The following CYLC2 variants were observed in gnomAD, a reference collection of about 807,000 sequenced individuals.
The protein encoded by CYLC2 is cylicin 2.
CYLC2 carries 30 observed loss-of-function variants against 26.1 expected under a neutral mutation model. The ratio of observed to expected loss-of-function variants is 1.15; its 90% CI spans 0.86 to 1.56. The LOEUF (loss-of-function observed/expected upper bound fraction) is 1.56, where lower values mean the gene tolerates loss of function less well. Ranked by LOEUF, CYLC2 falls within the 40% of genes most tolerant of loss-of-function variation. The pLI is 0.00. For missense variants in CYLC2, 498 were observed against 394.4 expected, an observed-to-expected ratio of 1.26 and a Z score of -2.23; for synonymous variants, 158 against 132.8, an observed-to-expected ratio of 1.19 and a Z score of -1.31.
rs1208528975 is a variant in CYLC2, at chr9:103,016,950, G to A, written c.*879G>A. 6.6e-6 allele frequency: 1 copy of A among 151,822 alleles called. No homozygotes were observed. The highest frequency in any genetic ancestry group is 1.5e-5 in the Non-Finnish European group (1 of 67,920). 9.4% of individuals were successfully genotyped at this position (151,822 alleles called of 1,614,324 possible). A position where few individuals can be genotyped will look rare whatever the true frequency, so the allele number is the denominator to read the frequency against. ...TATCACAAGTGGAAAGGTTACCCTA[G>A]AAACAAAAGATGTAAGTAAACTGAA... is the stretch of plus-strand genomic sequence containing the variant. On this transcript the variant is annotated 3_prime_UTR_variant, in exon 7 of 8. Transcript: ENST00000374798.
chr9:103,013,494 C>A (rs1829441707), intron 6 of CYLC2, among the ~76,000 whole-genome samples: 1 of 104,848 alleles, frequency 9.5e-6, no homozygotes, highest in Admixed American at 1.3e-4. Context: ...TAACATATTA[C>A]ATATATTATA....
chr9:103,005,373 A>C lies in CYLC2; in HGVS notation c.742A>C (p.Lys248Gln), dbSNP rs1286229772. 1.2e-6 allele frequency: 2 copies of C among 1,613,888 alleles called. No individual in the cohort carries two copies. Among genetic ancestry groups the C allele is most frequent in the Middle Eastern group, 1.6e-4 (1 of 6,084 alleles). Residue 248 changes from lysine (K) to glutamine (Q), a missense_variant, in exon 5 of 8, where the codon AAA becomes CAA. Lys to Gln is a moderately conservative substitution (Grantham distance 53). Coordinates refer to ENST00000374798, the MANE Select transcript of CYLC2 (RefSeq NM_001340.5). ...AGATGAAAAGAAGGATGAGGATGGA[A>C]AAAAAGATGCAAACAAAGGTGATGA... ...KADEKKDEDG[K>Q]KDANKGDESK...
chr9:103,003,126 G>A lies in CYLC2; in HGVS notation c.59-16G>A, dbSNP rs773048714. 5.6e-6 allele frequency: 9 copies of A among 1,609,952 alleles called. No individual in the cohort carries two copies. The highest frequency in any genetic ancestry group is 6.8e-6 in the Non-Finnish European group (8 of 1,178,572). On this transcript the variant is annotated splice_polypyrimidine_tract_variant and intron_variant, in intron 2 of 7. Transcript: ENST00000374798. ...CTATTCACTCCAAAATGTGTTTTTT[G>A]TCTCCCTTATTTTAGTCAGTGAATT...
intron 6 of CYLC2, among the ~76,000 whole-genome samples, chr9:103,014,992 A>G (rs1396719922): frequency 3.1e-5 from 4 of 127,186 alleles, no homozygotes; most frequent in African/African-American, 2.8e-5. Flanking sequence ...TAATACATGT[A>G]ATATACATAT....
chr9:103,006,613 A>G (rs1829354558), intron 5 of CYLC2, among the ~76,000 whole-genome samples: 1 of 151,840 alleles, frequency 6.6e-6, no homozygotes. Context: ...ACGGGGTTTC[A>G]CCGTGTTAGC....
At chr9:103,001,032 C>T (rs1207324013) in intron 1 of CYLC2, among the ~76,000 whole-genome samples, 1 of 151,654 alleles carries the variant, frequency 6.6e-6, no homozygotes, top group Non-Finnish European at 1.5e-5. Flanking sequence ...TTTTTGTGGT[C>T]CACACTGACA....
At chr9:103,004,551 A>G (rs1055563763) in intron 3 of CYLC2, 144 bp from the exon 4 acceptor site, 7 of 599,040 alleles carry the variant, frequency 1.2e-5, no homozygotes, top group African/African-American at 3.9e-5. Flanking sequence ...AAAGCAAAAT[A>G]AAGGATGAAA....
In CYLC2 at chr9:103,003,170, T is replaced by G; in HGVS notation, c.87T>G (p.Asn29Lys). ...GTGAATTAAGCAAAAAATCATGGAA[T>G]CAGCAACACTTTGCCCTGTTATTTC... ...PVSELSKKSW[N>K]QQHFALLFPK... is the part of the protein sequence containing the mutation. Residue 29 changes from asparagine to lysine, a missense_variant, in exon 3 of 8, where the codon AAT (asparagine) becomes AAG (lysine). By Grantham distance (94) the Asn-to-Lys change is moderately conservative. Coordinates refer to ENST00000374798, the MANE Select transcript of CYLC2 (RefSeq NM_001340.5). 6.2e-7 allele frequency: 1 copy of G among 1,613,710 alleles called. No homozygotes were observed. The highest frequency in any genetic ancestry group is 8.5e-7 in the Non-Finnish European group (1 of 1,179,742).
At chr9:103,007,154 G>C (rs874794) in intron 5 of CYLC2, among the ~76,000 whole-genome samples, 65 of 152,156 alleles carry the variant, frequency 4.3e-4, no homozygotes, top group Non-Finnish European at 8.1e-4. Context: ...ATTTTATGAA[G>C]TTTGGACTTT....
chr9:103,006,410 T>G (rs928923176), intron 5 of CYLC2, 32 bp downstream of exon 5: 1 of 85,952 alleles, frequency 1.2e-5, no homozygotes, highest in African/African-American at 3.9e-5. Flanking sequence ...TACTTATTTA[T>G]TTATTTATTT....
intron 5 of CYLC2, among the ~76,000 whole-genome samples, chr9:103,006,915 T>G (rs528486221): frequency 6.6e-6 from 1 of 152,256 alleles, no homozygotes; most frequent in Non-Finnish European, 1.5e-5. Context: ...GAATGAACAT[T>G]GTGCTCTCAT....
chr9:103,005,677 A>T lies in CYLC2; in HGVS notation c.1046A>T (p.Ter349LeuextTer20). ...AAGGATGCAAAGAAGAAGGGCAAGT[A>T]GGCCTTGGATAAGAATTTGAACCGA... ...EKKDAKKKGK[*>L] The change falls in exon 5 of 8, where the codon TAG (stop) becomes TTG (leucine). Residue 349 changes from the stop codon to leucine (L), a stop_lost. Transcript: ENST00000374798. 1 of 1,603,782 alleles carries T rather than the reference A, an allele frequency of 6.2e-7. No homozygotes were observed. Among genetic ancestry groups the T allele is most frequent in the Middle Eastern group, 1.7e-4 (1 of 5,994 alleles).
chr9:103,013,363 T>C (rs1337705979), intron 6 of CYLC2, among the ~76,000 whole-genome samples: 11 of 106,596 alleles, frequency 1.0e-4, no homozygotes, highest in African/African-American at 3.9e-4. Flanking sequence ...ATTATATAAA[T>C]ATATATTTAA....
intron 2 of CYLC2, among the ~76,000 whole-genome samples, chr9:103,002,549 T>A (rs1186872770): frequency 1.3e-5 from 2 of 151,716 alleles, no homozygotes; most frequent in Non-Finnish European, 2.9e-5. Flanking sequence ...AGACGGGGTT[T>A]CACCGTGTTA....
chr9:103,011,423 C>T (rs1433904442), intron 5 of CYLC2, among the ~76,000 whole-genome samples: 1 of 152,004 alleles, frequency 6.6e-6, no homozygotes, highest in Non-Finnish European at 1.5e-5. Context: ...AAGTAACTTA[C>T]TGAATTTTGG....
intron 1 of CYLC2, among the ~76,000 whole-genome samples, chr9:103,000,222 G>A (rs531975992): frequency 2.0e-5 from 3 of 151,702 alleles, no homozygotes; most frequent in African/African-American, 7.3e-5. Context: ...AAAAGGAGCT[G>A]TTTAATTTTC....
chr9:103,011,760 T>C (rs886283443), intron 5 of CYLC2, among the ~76,000 whole-genome samples: 2 of 151,992 alleles, frequency 1.3e-5, no homozygotes, highest in Non-Finnish European at 2.9e-5. Context: ...GTCATAAACA[T>C]CCTAAACTTA....
intron 1 of CYLC2, among the ~76,000 whole-genome samples, chr9:103,001,268 T>A (rs1829285577): frequency 8.8e-6 from 1 of 113,760 alleles, no homozygotes; most frequent in Admixed American, 1.0e-4. Context: ...TTTTCAGATG[T>A]GCAATTTGCT....
rs758395916 is a variant in CYLC2, at chr9:103,004,748, C to A, written c.234C>A (p.Tyr78Ter). 1.9e-6 allele frequency: 3 copies of A among 1,608,534 alleles called. No homozygotes were observed. The highest frequency in any genetic ancestry group is 2.5e-6 in the Non-Finnish European group (3 of 1,177,108). The change falls in exon 4 of 8, where the codon TAC becomes TAA. Residue 78 changes from tyrosine to a stop codon, truncating the protein, a stop_gained. Coordinates refer to ENST00000374798, the MANE Select transcript of CYLC2 (RefSeq NM_001340.5). LOFTEE classifies it high-confidence loss of function. Reference protein sequence around the residue: ...RGDRRQPLWMYRSLMRISERP... With the variant: ...RGDRRQPLWM ...ATCGTAGACAACCATTATGGATGTA[C>A]CGTTCTTTAATGAGAATTTCTGAGA...
Sources: allele counts gnomAD v4.1 joint callset (sites outside exome capture counted in the v4.1 genomes callset), GRCh38; gene constraint gnomAD v4.1.1; transcripts MANE v1.5; gene names NCBI Gene and HGNC (gene_info 2026-07-23, HGNC 2026-07-21).